Variants in GUCY1A2 observed in about 807,000 individuals in gnomAD.
GUCY1A2 encodes guanylate cyclase 1 soluble subunit alpha 2.
A neutral mutation model predicts 63.5 loss-of-function variants in GUCY1A2; 27 were observed. The observed-to-expected ratio is 0.43, with a 90% CI of 0.31 to 0.59. GUCY1A2 has a LOEUF of 0.59. Ranked by LOEUF, GUCY1A2 falls within the 20% of genes least tolerant of loss-of-function variation. The pLI, the probability that GUCY1A2 is intolerant of heterozygous loss-of-function variation, is 0.11. For missense variants in GUCY1A2, 768 were observed against 913.3 expected (o/e 0.84, Z 2.05); for synonymous variants, 364 against 343.5 (o/e 1.06, Z -0.66).
rs113966768 is a variant in GUCY1A2 at position 106,989,957 on chromosome 11, A to G, written c.304-3826T>C. Among the ~76,000 whole-genome samples, 173 of 152,326 alleles carry G rather than the reference A, an allele frequency of 1.1e-3. 1 individual carries two copies. The highest frequency in any genetic ancestry group is 4.0e-3 in the African/African-American group (168 of 41,572). ...TGAACTTCCTTCCTTGTATACAAAGAATGTGCAACAGGATTGCTGAGTGGC... is the reference window on the plus strand; with the variant it reads ...TGAACTTCCTTCCTTGTATACAAAGGATGTGCAACAGGATTGCTGAGTGGC... On this transcript the variant is annotated intron_variant, in intron 1 of 7. Coordinates refer to ENST00000526355, the MANE Select transcript of GUCY1A2 (RefSeq NM_000855.3).
At chr11:106,795,894 T>A (rs1348798589) in intron 5 of GUCY1A2, among the ~76,000 whole-genome samples, 1 of 151,732 alleles carries the variant, frequency 6.6e-6, no homozygotes. Context: ...TAGAATCTAA[T>A]GTTGACAGTG....
At chr11:106,884,742 T>C (rs1451742302) in intron 4 of GUCY1A2, among the ~76,000 whole-genome samples, 1 of 152,154 alleles carries the variant, frequency 6.6e-6, no homozygotes, top group Non-Finnish European at 1.5e-5. Context: ...AGCAAGAAGC[T>C]ATACTTCTAG....
intron 4 of GUCY1A2, among the ~76,000 whole-genome samples, chr11:106,841,485 T>TATATAGCTTAATATATA (rs1268683714): frequency 6.6e-6 from 1 of 151,896 alleles, no homozygotes; most frequent in Admixed American, 6.6e-5. Flanking sequence ...ATATAGCAGG[T>TATATAGCTTAATATATA]GCTTAATAAA....
chr11:107,015,126 G>C (rs1439104786), intron 1 of GUCY1A2, among the ~76,000 whole-genome samples: 1 of 152,090 alleles, frequency 6.6e-6, no homozygotes, highest in Non-Finnish European at 1.5e-5. Flanking sequence ...GTGTCACTAA[G>C]TCTATTGATG....
At chr11:106,729,832 C>A (rs988957830) in intron 6 of GUCY1A2, among the ~76,000 whole-genome samples, 3 of 151,760 alleles carry the variant, frequency 2.0e-5, no homozygotes, top group African/African-American at 7.3e-5. Flanking sequence ...GCTAAGGGAT[C>A]ACATTGTATT....
chr11:106,999,096 C>A (rs1861580134), intron 1 of GUCY1A2, among the ~76,000 whole-genome samples: 1 of 152,096 alleles, frequency 6.6e-6, no homozygotes, highest in African/African-American at 2.4e-5. Context: ...CATGTTCCTC[C>A]AAAAAGGTTA....
In GUCY1A2 at chr11:106,810,476, C is replaced by T. The variant is rs1377632605; in HGVS notation, c.1209G>A (p.Val403=). Residue 403 remains valine (V), a splice_region_variant and synonymous_variant, in exon 5 of 8, where the codon GTG becomes GTA. Coordinates refer to ENST00000526355, the MANE Select transcript of GUCY1A2 (RefSeq NM_000855.3). ...GGATCATTTGTCCTTTGACTTCCAT[C>T]ACCTGTGAAATTAACATGGAATTTT... ...EASGSENKDK[V]MEVKGQMIHV... is the part of the protein sequence containing the mutation. 6.3e-7 allele frequency: 1 copy of T among 1,596,628 alleles called. No individual in the cohort carries two copies. Among genetic ancestry groups the T allele is most frequent in the Admixed American group, 1.7e-5 (1 of 57,954 alleles).
At chr11:106,959,733 G>T (rs925669488) in intron 3 of GUCY1A2, among the ~76,000 whole-genome samples, 1 of 152,212 alleles carries the variant, frequency 6.6e-6, no homozygotes, top group Admixed American at 6.5e-5. Flanking sequence ...TGTTGTGATG[G>T]CTTCTGCAAG....
At chr11:106,756,992 C>T (rs918910737) in intron 6 of GUCY1A2, among the ~76,000 whole-genome samples, 7 of 152,290 alleles carry the variant, frequency 4.6e-5, no homozygotes, top group East Asian at 1.9e-4. Context: ...ACCGATCAAA[C>T]GTAGATTTGG....
At chr11:106,872,999 T>C (rs1436185998) in intron 4 of GUCY1A2, among the ~76,000 whole-genome samples, 1 of 151,996 alleles carries the variant, frequency 6.6e-6, no homozygotes, top group East Asian at 1.9e-4. Flanking sequence ...CAACTCCCAC[T>C]TATGTTTGAG....
intron 5 of GUCY1A2, among the ~76,000 whole-genome samples, chr11:106,802,849 C>T (rs1286439105): frequency 2.0e-5 from 3 of 152,146 alleles, no homozygotes; most frequent in Admixed American, 1.3e-4. Context: ...CTCCAAAATA[C>T]TCTACCTCTA....
intron 4 of GUCY1A2, chr11:106,824,101 T>C (rs1280298418): frequency 4.0e-6 from 6 of 1,502,866 alleles, no homozygotes; most frequent in Non-Finnish European, 4.6e-6. Flanking sequence ...TATTTGAAAA[T>C]AGGACCTAAA....
At chr11:106,788,580 T>C (rs1242032662) in intron 5 of GUCY1A2, among the ~76,000 whole-genome samples, 2 of 152,184 alleles carry the variant, frequency 1.3e-5, no homozygotes, top group Non-Finnish European at 2.9e-5. Context: ...GACATAGTGG[T>C]CTAGTTTCTT....
intron 4 of GUCY1A2, among the ~76,000 whole-genome samples, chr11:106,821,708 TAGAG>T (rs1298007845): frequency 6.6e-6 from 1 of 152,162 alleles, no homozygotes; most frequent in African/African-American, 2.4e-5. Flanking sequence ...CTCAGTGTAA[TAGAG>T]AGCCATTTGG....
chr11:106,792,363 G>A (rs1864678758), intron 5 of GUCY1A2, among the ~76,000 whole-genome samples: 1 of 141,342 alleles, frequency 7.1e-6, no homozygotes. Flanking sequence ...TCCAGCCTGG[G>A]CAACAGAGTG....
chr11:106,726,139 G>T (rs1863403582), intron 6 of GUCY1A2, among the ~76,000 whole-genome samples: 1 of 152,196 alleles, frequency 6.6e-6, no homozygotes, highest in Admixed American at 6.5e-5. Context: ...ATCAGGCTGG[G>T]CGTGGTGGTT....
chr11:106,979,183 C>T (rs1185599378), intron 2 of GUCY1A2, among the ~76,000 whole-genome samples: 1 of 152,056 alleles, frequency 6.6e-6, no homozygotes, highest in Non-Finnish European at 1.5e-5. Flanking sequence ...AGGCCGGGTG[C>T]GGTGGCTCAC....
intron 4 of GUCY1A2, among the ~76,000 whole-genome samples, chr11:106,853,984 G>A (rs953936126): frequency 1.4e-4 from 21 of 152,194 alleles, no homozygotes; most frequent in Non-Finnish European, 2.5e-4. Context: ...GACTTGCTGG[G>A]GACAAGGTCA....
chr11:106,709,486 T>TTA (rs375417308), intron 6 of GUCY1A2, among the ~76,000 whole-genome samples: 5 of 83,338 alleles, frequency 6.0e-5, no homozygotes, highest in African/African-American at 9.5e-5. Flanking sequence ...TATTATATAT[T>TTA]TATATATATA....
Sources: gnomAD v4.1 joint callset for allele counts (sites outside exome capture counted in the v4.1 genomes callset) on GRCh38, gnomAD v4.1.1 for gene constraint, MANE v1.5 for transcripts, NCBI Gene and HGNC (gene_info 2026-07-23, HGNC 2026-07-21) for gene names.